Variants in FUNDC1 observed in about 807,000 individuals in gnomAD.
FUNDC1 encodes the protein FUN14 domain-containing protein 1.
Under a neutral mutation model 14.5 loss-of-function variants are expected in FUNDC1, and 10 were observed. The observed-to-expected ratio is 0.69, with a 90% CI of 0.43 to 1.17. FUNDC1 has a LOEUF of 1.17. Ranked by LOEUF, FUNDC1 falls within the 50% of genes most tolerant of loss-of-function variation. The pLI, the probability that FUNDC1 is intolerant of heterozygous loss-of-function variation, is 0.00. For synonymous variants in FUNDC1, 33 were observed against 39.7 expected (o/e 0.83, Z 0.64); for missense variants, 115 against 113.8 (o/e 1.01, Z -0.05).
chrX:44,541,257 T>A (rs1416262621), intron 2 of FUNDC1, among the ~76,000 whole-genome samples: 3 of 112,342 alleles, frequency 2.7e-5, no homozygotes, highest in African/African-American at 9.7e-5. Flanking sequence ...ATCTGGCTAG[T>A]TTTTTTATTA....
chrX:44,530,235 C>A (rs1367135350), intron 3 of FUNDC1, among the ~76,000 whole-genome samples: 1 of 111,867 alleles, frequency 8.9e-6, no homozygotes, highest in Admixed American at 9.6e-5. Context: ...TCCTATAACA[C>A]TAAAATATTT....
intron 3 of FUNDC1, among the ~76,000 whole-genome samples, chrX:44,528,951 TC>T (rs994481035): frequency 2.7e-5 from 3 of 111,688 alleles, no homozygotes; most frequent in African/African-American, 9.8e-5. Context: ...CGCCTCGGCC[TC>T]CCAAAGTGCT....
chrX:44,535,669 C>CAA (rs1224864816), intron 3 of FUNDC1, among the ~76,000 whole-genome samples: 44 of 32,105 alleles, frequency 1.4e-3, no homozygotes, highest in East Asian at 3.0e-3. Context: ...GACTCTGTCT[C>CAA]AAAAAAAAAA....
At chrX:44,531,312 CCAGACACA>C (rs1198140363) in intron 3 of FUNDC1, among the ~76,000 whole-genome samples, 1 of 22,797 alleles carries the variant, frequency 4.4e-5, no homozygotes, top group East Asian at 1.2e-3. Context: ...TTCATGTTGG[CCAGACACA>C]CACACACACA....
chrX:44,532,375 CAG>C (rs2038929256), intron 3 of FUNDC1, among the ~76,000 whole-genome samples: 1 of 86,465 alleles, frequency 1.2e-5, no homozygotes, highest in South Asian at 5.9e-4. Flanking sequence ...GCCTGGGCAA[CAG>C]AGTGAAACTC....
intron 4 of FUNDC1, among the ~76,000 whole-genome samples, chrX:44,526,600 A>T (rs1461321245): frequency 9.0e-6 from 1 of 110,807 alleles, no homozygotes; most frequent in African/African-American, 3.3e-5. Context: ...TGGAAAAAAA[A>T]TTATCTGTGT....
chrX:44,531,247 A>C lies in FUNDC1; in HGVS notation c.262-3882T>G, dbSNP rs567642252. Among the ~76,000 whole-genome samples, 230 of 50,377 alleles carry C rather than the reference A, an allele frequency of 4.6e-3. 6 individuals carry two copies. Among genetic ancestry groups the C allele is most frequent in the East Asian group, 0.021 (38 of 1,817 alleles). The allele number at this position is 50,377 out of a possible 115,157, so 43.7% of individuals were successfully genotyped here. ...CAGAGAGTGAGACTGTTTCCAGAAA[A>C]ACACACACACACACACACACACACA... On this transcript the variant is annotated intron_variant, in intron 3 of 4. Transcript: ENST00000378045.
intron 3 of FUNDC1, among the ~76,000 whole-genome samples, chrX:44,533,814 A>G: frequency 9.1e-6 from 1 of 109,678 alleles, no homozygotes; most frequent in Non-Finnish European, 1.9e-5. Flanking sequence ...TTGTAATCCC[A>G]GCACTTTGGG....
At chrX:44,534,492 G>T (rs2038939695) in intron 3 of FUNDC1, among the ~76,000 whole-genome samples, 1 of 110,184 alleles carries the variant, frequency 9.1e-6, no homozygotes, top group South Asian at 3.8e-4. Context: ...CAAACTGAAA[G>T]GGCCCCTTGA....
At chrX:44,535,086 T>C (rs1032975512) in intron 3 of FUNDC1, among the ~76,000 whole-genome samples, 2 of 110,697 alleles carry the variant, frequency 1.8e-5, no homozygotes, top group East Asian at 2.9e-4. Flanking sequence ...GCAGAGTTTG[T>C]AGTGAGTGAG....
chrX:44,541,862 G>T, intron 2 of FUNDC1, 83 bp downstream of exon 2: 1 of 865,043 alleles, frequency 1.2e-6, no homozygotes, highest in Non-Finnish European at 1.6e-6. Context: ...TACTGCCTGT[G>T]CACGGTGATT....
Position 44,542,008 on chromosome X carries a change from G to T in FUNDC1, c.122C>A (p.Ser41Ter), listed in dbSNP as rs759139437. Residue 41 changes from serine to a stop codon, truncating the protein, a stop_gained, in exon 2 of 5, where the codon TCG (serine) becomes TAG (stop). Transcript: ENST00000378045. LOFTEE classifies it high-confidence loss of function. ...TGAGTATTTTTCTACCATAGGTCCCGAACTGTGGCCAAACACTCGATTCCA... is the reference window on the plus strand; with the variant it reads ...TGAGTATTTTTCTACCATAGGTCCCTAACTGTGGCCAAACACTCGATTCCA... ...QWWNRVFGHS[S>*]GPMVEKYSVA... 8.3e-7 allele frequency: 1 copy of T among 1,206,150 alleles called. No homozygotes were observed.
chrX:44,528,004 T>C (rs1279631120), intron 3 of FUNDC1, among the ~76,000 whole-genome samples: 1 of 111,847 alleles, frequency 8.9e-6, no homozygotes, highest in Non-Finnish European at 1.9e-5. Flanking sequence ...TATAGCTAAA[T>C]GCCTATCATA....
At chrX:44,538,691 C>T in intron 2 of FUNDC1, 149 bp from the exon 3 acceptor site, 1 of 437,589 alleles carries the variant, frequency 2.3e-6, no homozygotes, top group Non-Finnish European at 3.9e-6. Context: ...TCTCAGAAAC[C>T]CCTCAGTTAT....
chrX:44,537,386 T>C (rs2038953213), intron 3 of FUNDC1, among the ~76,000 whole-genome samples: 1 of 112,067 alleles, frequency 8.9e-6, no homozygotes, highest in Non-Finnish European at 1.9e-5. Flanking sequence ...AATATGCTCT[T>C]GATTCCATAT....
At chrX:44,541,372 T>C (rs147016037) in intron 2 of FUNDC1, among the ~76,000 whole-genome samples, 1,134 of 111,931 alleles carry the variant, frequency 0.01, 17 homozygotes, top group African/African-American at 0.034. Context: ...GACTCCACAA[T>C]ATTATCAAGT....
intron 3 of FUNDC1, among the ~76,000 whole-genome samples, chrX:44,535,708 G>A (rs2038945389): frequency 9.6e-6 from 1 of 103,994 alleles, no homozygotes; most frequent in African/African-American, 3.5e-5. Context: ...AATCCTGGCT[G>A]GGCGCGGTGG....
chrX:44,541,684 A>C (rs942213594), intron 2 of FUNDC1, among the ~76,000 whole-genome samples: 1 of 111,436 alleles, frequency 9.0e-6, no homozygotes, highest in Non-Finnish European at 1.9e-5. Flanking sequence ...GCTGAACATG[A>C]GAATGGGGAA....
chrX:44,542,374 G>A (rs2038975753), intron 1 of FUNDC1: 1 of 379,114 alleles, frequency 2.6e-6, no homozygotes. Context: ...TGACACAGTA[G>A]TGAGGGGTCA....
Sources: allele counts gnomAD v4.1 joint callset (sites outside exome capture counted in the v4.1 genomes callset), GRCh38; gene constraint gnomAD v4.1.1; transcripts MANE v1.5; gene names NCBI Gene and HGNC (gene_info 2026-07-23, HGNC 2026-07-21).